The following PALM2AKAP2 variants were observed in gnomAD, a reference collection of about 807,000 sequenced individuals.
PALM2AKAP2 encodes PALM2 and AKAP2 fusion.
PALM2AKAP2 carries 37 observed loss-of-function variants against 71.5 expected under a neutral mutation model. That is an observed-to-expected ratio of 0.52 (90% CI 0.40 to 0.68). The LOEUF is 0.68. Among genes scored for constraint, PALM2AKAP2 ranks in the 30% least tolerant of loss-of-function variants. The pLI, the probability that PALM2AKAP2 is intolerant of heterozygous loss-of-function variation, is 0.00. For missense variants in PALM2AKAP2, 1,224 were observed against 1,191.8 expected (o/e 1.03, Z -0.40); for synonymous variants, 468 against 478.8 (o/e 0.98, Z 0.29).
Position 110,136,308 on chromosome 9 carries a change from AC to A in PALM2AKAP2, c.340del (p.His114IlefsTer32). ...ATCACCTCTACCCCACATCCCATGG[AC>A]CATCCCTCCGCTTTCTATTCACCCC... On this transcript the variant is annotated frameshift_variant, in exon 2 of 4. Coordinates refer to ENST00000374525, the Ensembl canonical transcript of PALM2AKAP2. LOFTEE classifies it high-confidence loss of function. 6.2e-7 allele frequency: 1 copy of A among 1,614,170 alleles called. No homozygotes were observed. Among genetic ancestry groups the A allele is most frequent in the South Asian group, 1.1e-5 (1 of 91,082 alleles).
intron 1 of PALM2AKAP2, among the ~76,000 whole-genome samples, chr9:109,785,272 A>G (rs939364758): frequency 3.9e-5 from 6 of 152,210 alleles, no homozygotes; most frequent in African/African-American, 1.4e-4. Flanking sequence ...GTGAAGTAAT[A>G]AAAATGATCT....
intron 1 of PALM2AKAP2, among the ~76,000 whole-genome samples, chr9:110,126,941 T>C (rs928524360): frequency 2.0e-5 from 3 of 152,200 alleles, no homozygotes; most frequent in Non-Finnish European, 4.4e-5. Flanking sequence ...CTATGAGAAA[T>C]TGACCAGTCT....
Position 110,135,164 on chromosome 9 carries a change from A to AAAAAAAAAAAAAAAAAAATAT in PALM2AKAP2, c.157-962_157-961insAAAAAAAAAAAAAAAAATATA. ...AACTCTGTCTCTACAAAAAAAAAAA[A>AAAAAAAAAAAAAAAAAAATAT]ATATATAAATATATATATATATATA... On this transcript the variant is annotated intron_variant, in intron 1 of 3. Coordinates refer to ENST00000374525, the Ensembl canonical transcript of PALM2AKAP2. 3.9e-5 allele frequency among the ~76,000 whole-genome samples: 2 copies of AAAAAAAAAAAAAAAAAAATAT among 51,744 alleles called. 1 individual carries two copies. 33.9% of individuals were successfully genotyped at this position (51,744 alleles called of 152,430 possible).
intron 6 of PALM2AKAP2, among the ~76,000 whole-genome samples, chr9:109,941,811 G>A (rs1230696111): frequency 6.6e-6 from 1 of 152,214 alleles, no homozygotes; most frequent in African/African-American, 2.4e-5. Context: ...GAGAGACAGG[G>A]GCAAGGGGAG....
intron 2 of PALM2AKAP2, among the ~76,000 whole-genome samples, chr9:110,145,830 A>T (rs1587858167): frequency 7.2e-6 from 1 of 138,852 alleles, no homozygotes; most frequent in African/African-American, 2.7e-5. Flanking sequence ...TTTAGATATT[A>T]CCCTTAAAGG....
At chr9:110,072,184 A>G (rs945470156) in intron 1 of PALM2AKAP2, among the ~76,000 whole-genome samples, 1 of 152,208 alleles carries the variant, frequency 6.6e-6, no homozygotes, top group African/African-American at 2.4e-5. Flanking sequence ...GTGGGCAAAA[A>G]TGAGGGGGAG....
intron 1 of PALM2AKAP2, among the ~76,000 whole-genome samples, chr9:109,835,690 G>A (rs964634397): frequency 2.6e-5 from 4 of 152,122 alleles, no homozygotes; most frequent in South Asian, 2.1e-4. Flanking sequence ...CTAATACTAC[G>A]CTTTTCCAAT....
intron 1 of PALM2AKAP2, among the ~76,000 whole-genome samples, chr9:109,840,388 T>C (rs1056192820): frequency 4.6e-5 from 7 of 152,200 alleles, no homozygotes; most frequent in African/African-American, 1.7e-4. Flanking sequence ...AAGACGTAAA[T>C]GGTAGACCTA....
rs1836149776 is a variant in PALM2AKAP2, at chr9:110,145,765, G to A, written c.2569+7226G>A. On this transcript the variant is annotated intron_variant, in intron 2 of 3. Coordinates refer to ENST00000374525, the Ensembl canonical transcript of PALM2AKAP2. ...TATGTTGAAGCTATGTTTGGCAAGGGGTGAAGGTGTGCAATGAAATCAGGA... is the reference window on the plus strand; with the variant it reads ...TATGTTGAAGCTATGTTTGGCAAGGAGTGAAGGTGTGCAATGAAATCAGGA... 2.6e-5 allele frequency among the ~76,000 whole-genome samples: 4 copies of A among 151,562 alleles called. No homozygotes were observed. The South Asian group carries it at 8.4e-4, about 32-fold the overall frequency.
At chr9:110,100,068 T>A (rs1019079210) in intron 1 of PALM2AKAP2, among the ~76,000 whole-genome samples, 6 of 144,898 alleles carry the variant, frequency 4.1e-5, no homozygotes, top group Admixed American at 7.0e-5. Flanking sequence ...TATATATATA[T>A]ATATATATAT....
At chr9:109,689,539 C>T (rs140672141) in intron 1 of PALM2AKAP2, among the ~76,000 whole-genome samples, 171 of 152,270 alleles carry the variant, frequency 1.1e-3, no homozygotes, top group African/African-American at 3.9e-3. Flanking sequence ...GAGATCCCAA[C>T]GTGAGATGGG....
At chr9:109,736,660 C>T (rs75925641) in intron 1 of PALM2AKAP2, among the ~76,000 whole-genome samples, 6,491 of 151,918 alleles carry the variant, frequency 0.043, 190 homozygotes, top group Non-Finnish European at 0.053. Flanking sequence ...ATGTATCTAT[C>T]GCGTAGTGGT....
chr9:109,677,080 C>T (rs370777346), intron 1 of PALM2AKAP2, among the ~76,000 whole-genome samples: 2 of 152,150 alleles, frequency 1.3e-5, no homozygotes, highest in African/African-American at 4.8e-5. Flanking sequence ...GGGGCAGTAG[C>T]TAGAAGGTTA....
intron 7 of PALM2AKAP2, chr9:110,025,219 G>A (rs1833154175): frequency 8.2e-7 from 1 of 1,213,360 alleles, no homozygotes. Flanking sequence ...TTTTTGAACA[G>A]TACCCATTCC....
At position 109,760,049 on chromosome 9, in the gene PALM2AKAP2, C is replaced by T. The variant is rs561507627; in HGVS notation, c.6-20439C>T. ...AGTGTTCTCTTGGTACTTCTGTTGTCAAGCCACCCTCTTCACCCTCAGCCC... is the reference window on the plus strand; with the variant it reads ...AGTGTTCTCTTGGTACTTCTGTTGTTAAGCCACCCTCTTCACCCTCAGCCC... On this transcript the variant is annotated intron_variant, in intron 1 of 6. Transcript: ENST00000374531. Among the ~76,000 whole-genome samples, 4 of 152,254 alleles carry T rather than the reference C, an allele frequency of 2.6e-5. No homozygotes were observed. The South Asian group carries it at 6.2e-4, about 24-fold the overall frequency.
chr9:109,940,509 T>G (rs1831334304), intron 6 of PALM2AKAP2, among the ~76,000 whole-genome samples: 1 of 152,150 alleles, frequency 6.6e-6, no homozygotes, highest in Non-Finnish European at 1.5e-5. Context: ...TCTGGGATGG[T>G]GTTATTTGGT....
intron 1 of PALM2AKAP2, among the ~76,000 whole-genome samples, chr9:109,819,042 A>C (rs1827921454): frequency 1.3e-5 from 2 of 152,200 alleles, no homozygotes; most frequent in South Asian, 4.1e-4. Flanking sequence ...CCAATTTGAG[A>C]AAAAATACAT....
chr9:109,774,810 T>G (rs1829326452), intron 1 of PALM2AKAP2, among the ~76,000 whole-genome samples: 1 of 152,192 alleles, frequency 6.6e-6, no homozygotes, highest in Non-Finnish European at 1.5e-5. Context: ...TCACAAGCCT[T>G]TTACATCTGT....
intron 1 of PALM2AKAP2, among the ~76,000 whole-genome samples, chr9:109,856,823 T>G (rs1187527862): frequency 6.6e-6 from 1 of 151,406 alleles, no homozygotes; most frequent in Non-Finnish European, 1.5e-5. Context: ...AGAAAAGGAG[T>G]GTATGTCTCT....
Sources: gnomAD v4.1 joint callset for allele counts (sites outside exome capture counted in the v4.1 genomes callset) on GRCh38, gnomAD v4.1.1 for gene constraint, MANE v1.5 for transcripts, NCBI Gene and HGNC (gene_info 2026-07-23, HGNC 2026-07-21) for gene names.